Variants in SCFD1 observed in about 807,000 individuals in gnomAD.
SCFD1 encodes sec1 family domain containing 1.
SCFD1 carries 37 observed loss-of-function variants against 103.2 expected under a neutral mutation model. That is an observed-to-expected ratio of 0.36 (90% confidence interval 0.28 to 0.47). The LOEUF is 0.47. Among genes scored for constraint, SCFD1 ranks in the 20% least tolerant of loss-of-function variants. The pLI, the probability that SCFD1 is intolerant of heterozygous loss-of-function variation, is 1.00. For missense variants in SCFD1, 639 were observed against 761.2 expected, an observed-to-expected ratio of 0.84 and a Z score of 1.89; for synonymous variants, 264 against 245.0, an observed-to-expected ratio of 1.08 and a Z score of -0.73.
intron 23 of SCFD1, among the ~76,000 whole-genome samples, chr14:30,726,830 T>C (rs1893076919): frequency 6.6e-6 from 1 of 152,182 alleles, no homozygotes; most frequent in Non-Finnish European, 1.5e-5. Context: ...GCTCAGTATG[T>C]CTCTTTTCAT....
chr14:30,658,764 G>A (rs1024088838), intron 10 of SCFD1, among the ~76,000 whole-genome samples: 2 of 152,128 alleles, frequency 1.3e-5, no homozygotes, highest in Admixed American at 6.5e-5. Context: ...CCTTAAAGAC[G>A]TGTGATTGCA....
intron 11 of SCFD1, among the ~76,000 whole-genome samples, chr14:30,671,339 T>C (rs1202690408): frequency 6.6e-6 from 1 of 152,128 alleles, no homozygotes; most frequent in African/African-American, 2.4e-5. Flanking sequence ...TTAATTTTAA[T>C]AAATTTGATT....
chr14:30,652,344 A>C (rs1228423538), intron 9 of SCFD1: 1 of 152,166 alleles, frequency 6.6e-6, no homozygotes, highest in East Asian at 1.9e-4. Flanking sequence ...TCACATCTAA[A>C]TTGTAATAAT....
chr14:30,709,099 A>G (rs1480914910), intron 19 of SCFD1, among the ~76,000 whole-genome samples: 2 of 152,222 alleles, frequency 1.3e-5, no homozygotes, highest in Non-Finnish European at 1.5e-5. Context: ...AATATTTTAC[A>G]CAGAAACTCA....
At chr14:30,718,475 T>A (rs968039912) in intron 20 of SCFD1, among the ~76,000 whole-genome samples, 4 of 152,248 alleles carry the variant, frequency 2.6e-5, no homozygotes, top group African/African-American at 4.8e-5. Flanking sequence ...GTTTTGAAAG[T>A]GTTTCTTCAT....
At chr14:30,704,182 A>AT (rs927442768) in intron 17 of SCFD1, among the ~76,000 whole-genome samples, 6 of 151,252 alleles carry the variant, frequency 4.0e-5, no homozygotes, top group Non-Finnish European at 8.9e-5. Flanking sequence ...CATATGACAG[A>AT]TTTTTTTTCT....
intron 22 of SCFD1, 100 bp from the exon 23 acceptor site, chr14:30,722,394 T>A: frequency 1.3e-6 from 1 of 775,530 alleles, no homozygotes; most frequent in Admixed American, 2.6e-5. Context: ...CATCAGGGGC[T>A]TAGAATATGA....
chr14:30,644,191 TG>T (rs1051601490), intron 7 of SCFD1, among the ~76,000 whole-genome samples: 3 of 152,234 alleles, frequency 2.0e-5, no homozygotes, highest in African/African-American at 4.8e-5. Context: ...TCTTTTTTTA[TG>T]GCTCTATAAG....
chr14:30,680,575 G>T (rs1889391030), intron 14 of SCFD1, among the ~76,000 whole-genome samples: 1 of 152,128 alleles, frequency 6.6e-6, no homozygotes, highest in African/African-American at 2.4e-5. Flanking sequence ...CAGTGAGAAT[G>T]GTTTGCTCTT....
In SCFD1 at chr14:30,627,803, T is replaced by TA. The variant is rs558410184; in HGVS notation, c.62-395dup. ...TCTTTCTCACTAGGCCACTCACACT[T>TA]AAAAAAAAAAACAGACAGACAGACT... On this transcript the variant is annotated intron_variant, in intron 1 of 24. Coordinates refer to ENST00000458591, the MANE Select transcript of SCFD1 (RefSeq NM_016106.4). 9.2e-3 allele frequency among the ~76,000 whole-genome samples: 975 copies of TA among 105,892 alleles called. 20 individuals are homozygous for TA. The highest frequency in any genetic ancestry group is 0.029 in the African/African-American group (808 of 28,350). 69.5% of individuals were successfully genotyped at this position (105,892 alleles called of 152,430 possible).
intron 14 of SCFD1, among the ~76,000 whole-genome samples, chr14:30,678,060 C>T (rs567255347): frequency 7.9e-4 from 120 of 151,730 alleles, no homozygotes; most frequent in Admixed American, 5.6e-3. Context: ...GGATGGTCAC[C>T]ATCTCTTGAC....
At chr14:30,701,078 A>G (rs1364785939) in intron 16 of SCFD1, among the ~76,000 whole-genome samples, 2 of 152,184 alleles carry the variant, frequency 1.3e-5, no homozygotes, top group Non-Finnish European at 2.9e-5. Flanking sequence ...TCAAGATGAC[A>G]TTTAGAATGT....
intron 7 of SCFD1, among the ~76,000 whole-genome samples, chr14:30,647,437 T>C (rs1043762075): frequency 3.3e-5 from 5 of 152,036 alleles, no homozygotes; most frequent in Non-Finnish European, 7.4e-5. Context: ...TGTTTTCTGC[T>C]TGAGTTCTTT....
intron 14 of SCFD1, 100 bp from the exon 15 acceptor site, chr14:30,694,673 C>A: frequency 7.1e-7 from 1 of 1,405,482 alleles, no homozygotes; most frequent in South Asian, 1.6e-5. Flanking sequence ...AAGAACATAT[C>A]TTAAAATTGA....
intron 17 of SCFD1, among the ~76,000 whole-genome samples, chr14:30,702,614 A>G (rs1053312010): frequency 1.3e-5 from 2 of 152,202 alleles, no homozygotes; most frequent in African/African-American, 4.8e-5. Flanking sequence ...AAGGTGAGAA[A>G]GTCAAAGACC....
chr14:30,654,393 G>A (rs1010587368), intron 10 of SCFD1, among the ~76,000 whole-genome samples: 5 of 152,248 alleles, frequency 3.3e-5, no homozygotes, highest in Non-Finnish European at 7.3e-5. Context: ...GGGAATGAAA[G>A]CTGAGTGTAG....
In SCFD1 at chr14:30,722,236, C is replaced by T. The variant is rs17097128; in HGVS notation, c.1771-258C>T. On this transcript the variant is annotated intron_variant, in intron 22 of 24. Transcript: ENST00000458591. ...CATTTGAAATACAAAGAAGCTTCTC[C>T]GTAAAAAATACAGTAAATAACATAT... Among the ~76,000 whole-genome samples the T allele has an allele frequency of 9.0e-3, 1,366 of 152,040 alleles. 23 individuals are homozygous for T. The highest frequency in any genetic ancestry group is 0.03 in the African/African-American group (1,247 of 41,482).
At chr14:30,669,048 T>G (rs1386294362) in intron 10 of SCFD1, among the ~76,000 whole-genome samples, 4 of 152,168 alleles carry the variant, frequency 2.6e-5, no homozygotes, top group African/African-American at 9.6e-5. Context: ...ATCCCATTAC[T>G]GGGTATGTAG....
At chr14:30,642,864 TA>T (rs1270591790) in intron 6 of SCFD1, among the ~76,000 whole-genome samples, 2 of 152,166 alleles carry the variant, frequency 1.3e-5, no homozygotes, top group African/African-American at 4.8e-5. Flanking sequence ...AACAGATATT[TA>T]TTCATTTAAA....
Sources: gnomAD v4.1 joint callset for allele counts (sites outside exome capture counted in the v4.1 genomes callset) on GRCh38, gnomAD v4.1.1 for gene constraint, MANE v1.5 for transcripts, NCBI Gene and HGNC (gene_info 2026-07-23, HGNC 2026-07-21) for gene names.